Variants in GNAQ observed in about 807,000 individuals in gnomAD.
The protein encoded by GNAQ is guanine nucleotide-binding protein G(q) subunit alpha.
A neutral mutation model predicts 43.9 loss-of-function variants in GNAQ; 8 were observed. That is an observed-to-expected ratio of 0.18 (90% CI 0.11 to 0.33). GNAQ has a LOEUF of 0.33. GNAQ is among the 10% of genes least tolerant of loss of function. The probability of loss-of-function intolerance (pLI) is 1.00; values close to 1 mark genes in which losing one functional copy is unlikely to be tolerated. For synonymous variants in GNAQ, 155 were observed against 170.7 expected, an observed-to-expected ratio of 0.91 and a Z score of 0.71; for missense variants, 158 against 450.8, an observed-to-expected ratio of 0.35 and a Z score of 5.88.
chr9:77,917,484 C>T (rs1156443847), intron 2 of GNAQ, among the ~76,000 whole-genome samples: 3 of 151,768 alleles, frequency 2.0e-5, no homozygotes, highest in Admixed American at 2.0e-4. Context: ...TATAAACAAA[C>T]CTGCACATGT....
chr9:77,897,509 T>C (rs777388454), intron 2 of GNAQ, among the ~76,000 whole-genome samples: 3 of 152,148 alleles, frequency 2.0e-5, no homozygotes, highest in Non-Finnish European at 4.4e-5. Context: ...GCTGGAATGG[T>C]CTCTGCTTTC....
At chr9:77,733,891 G>C (rs1202813881) in intron 5 of GNAQ, among the ~76,000 whole-genome samples, 1 of 152,238 alleles carries the variant, frequency 6.6e-6, no homozygotes, top group East Asian at 1.9e-4. Context: ...CTTTATAGAT[G>C]AATCAGAGCT....
intron 1 of GNAQ, among the ~76,000 whole-genome samples, chr9:77,930,658 A>G (rs993574108): frequency 2.0e-5 from 3 of 152,148 alleles, no homozygotes; most frequent in Non-Finnish European, 4.4e-5. Flanking sequence ...GTGTGCAGTG[A>G]TTTTTTTACT....
intron 2 of GNAQ, among the ~76,000 whole-genome samples, chr9:77,845,349 T>C (rs1564128432): frequency 6.6e-6 from 1 of 152,212 alleles, no homozygotes; most frequent in Non-Finnish European, 1.5e-5. Context: ...GGTGGTGAAT[T>C]GCTTCAGTGT....
At chr9:77,754,825 T>A (rs911445414) in intron 5 of GNAQ, among the ~76,000 whole-genome samples, 1 of 152,150 alleles carries the variant, frequency 6.6e-6, no homozygotes, top group Non-Finnish European at 1.5e-5. Context: ...GTATGGAGGT[T>A]CCTCAAAAAA....
At chr9:77,818,617 GA>G (rs2118518822) in intron 2 of GNAQ, among the ~76,000 whole-genome samples, 2 of 152,258 alleles carry the variant, frequency 1.3e-5, no homozygotes, top group South Asian at 4.1e-4. Context: ...AAAAGACAAT[GA>G]TGAAAAGGAA....
intron 2 of GNAQ, among the ~76,000 whole-genome samples, chr9:77,843,428 T>C (rs551876099): frequency 5.6e-4 from 85 of 152,284 alleles, no homozygotes; most frequent in Non-Finnish European, 1.1e-3. Context: ...CCCAGTAAAA[T>C]AATTTCTTTA....
chr9:77,857,798 G>A, intron 2 of GNAQ, among the ~76,000 whole-genome samples: 1 of 151,170 alleles, frequency 6.6e-6, no homozygotes, highest in Middle Eastern at 3.2e-3. Flanking sequence ...TTTTTTCAAG[G>A]CCATTTTCTT....
At chr9:77,858,604 C>G (rs974448379) in intron 2 of GNAQ, among the ~76,000 whole-genome samples, 2 of 152,010 alleles carry the variant, frequency 1.3e-5, no homozygotes, top group African/African-American at 4.8e-5. Context: ...TCTGTAGTGT[C>G]TGACGCCATC....
intron 5 of GNAQ, among the ~76,000 whole-genome samples, chr9:77,753,777 G>T (rs990681587): frequency 6.6e-6 from 1 of 152,102 alleles, no homozygotes; most frequent in Non-Finnish European, 1.5e-5. Flanking sequence ...GCCCATTATT[G>T]TACAATATGA....
intron 1 of GNAQ, among the ~76,000 whole-genome samples, chr9:77,944,064 T>A (rs1829352974): frequency 6.6e-6 from 1 of 152,080 alleles, no homozygotes; most frequent in African/African-American, 2.4e-5. Flanking sequence ...ATGTTCCTCA[T>A]ATATTAGAAG....
At chr9:77,798,332 A>C (rs942634663) in intron 3 of GNAQ, among the ~76,000 whole-genome samples, 15 of 152,198 alleles carry the variant, frequency 9.9e-5, no homozygotes, top group Admixed American at 6.5e-5. Flanking sequence ...TTTCTTTTGA[A>C]ATAACTTTAG....
rs551982564 is a variant in GNAQ at position 77,771,911 on chromosome 9, C to CAA, written c.735+22550_735+22551dup. Among the ~76,000 whole-genome samples, 499 of 150,914 alleles carry CAA rather than the reference C, an allele frequency of 3.3e-3. 4 individuals are homozygous for CAA. The highest frequency in any genetic ancestry group is 0.011 in the African/African-American group (454 of 41,142). On this transcript the variant is annotated intron_variant, in intron 5 of 6. Coordinates refer to ENST00000286548, the MANE Select transcript of GNAQ (RefSeq NM_002072.5). ...ACCTGGACTCTCCAATCAAAAACAA[C>CAA]AAAAAAAAACCCACCCTGGAAGGCT...
chr9:78,014,055 A>T (rs1366761525), intron 1 of GNAQ, among the ~76,000 whole-genome samples: 1 of 152,220 alleles, frequency 6.6e-6, no homozygotes, highest in Non-Finnish European at 1.5e-5. Context: ...ACTAAAAGTT[A>T]TATAGGCTAC....
At chr9:77,972,383 T>C (rs920556953) in intron 1 of GNAQ, among the ~76,000 whole-genome samples, 1 of 151,830 alleles carries the variant, frequency 6.6e-6, no homozygotes, top group African/African-American at 2.4e-5. Context: ...TAACAGAGAA[T>C]AAAATTAAAA....
At chr9:77,888,457 T>C (rs945761006) in intron 2 of GNAQ, among the ~76,000 whole-genome samples, 2 of 152,178 alleles carry the variant, frequency 1.3e-5, no homozygotes, top group Non-Finnish European at 2.9e-5. Flanking sequence ...ACTAAACAAC[T>C]TTCCTGAGCA....
chr9:77,988,657 C>G (rs1432467833), intron 1 of GNAQ, among the ~76,000 whole-genome samples: 2 of 152,114 alleles, frequency 1.3e-5, no homozygotes, highest in Non-Finnish European at 2.9e-5. Flanking sequence ...CAGGGCCTGG[C>G]AGTGTGTGCA....
intron 5 of GNAQ, among the ~76,000 whole-genome samples, chr9:77,738,519 T>C (rs1825607763): frequency 1.3e-5 from 2 of 152,192 alleles, no homozygotes; most frequent in Admixed American, 1.3e-4. Context: ...ATTGCCCACA[T>C]AAAACTATTG....
At chr9:77,881,352 T>C (rs948015203) in intron 2 of GNAQ, among the ~76,000 whole-genome samples, 3 of 152,180 alleles carry the variant, frequency 2.0e-5, no homozygotes, top group African/African-American at 4.8e-5. Context: ...AGCTCACTGG[T>C]GAATAAATGA....
Sources: allele counts gnomAD v4.1 joint callset (sites outside exome capture counted in the v4.1 genomes callset), GRCh38; gene constraint gnomAD v4.1.1; transcripts MANE v1.5; gene names NCBI Gene and HGNC (gene_info 2026-07-23, HGNC 2026-07-21).